The following ASAP2 variants were observed in gnomAD, a reference collection of about 807,000 sequenced individuals.
ASAP2 encodes the protein arf-GAP with SH3 domain, ANK repeat and PH domain-containing protein 2.
In ASAP2, 45 loss-of-function variants were observed where a neutral mutation model predicts 131.4. The observed-to-expected ratio is 0.34, with a 90% CI of 0.27 to 0.44. ASAP2 has a LOEUF of 0.44. Among genes scored for constraint, ASAP2 ranks in the 20% least tolerant of loss-of-function variants. The pLI, the probability that ASAP2 is intolerant of heterozygous loss-of-function variation, is 1.00. For synonymous variants in ASAP2, 510 were observed against 503.0 expected, an observed-to-expected ratio of 1.01 and a Z score of -0.19; for missense variants, 1,011 against 1,297.0, an observed-to-expected ratio of 0.78 and a Z score of 3.39.
intron 4 of ASAP2, 36 bp from the exon 5 acceptor site, chr2:9,320,252 A>C (rs778018921): frequency 6.4e-7 from 1 of 1,556,414 alleles, no homozygotes; most frequent in East Asian, 2.2e-5. Flanking sequence ...GAAGTGAATG[A>C]TTAGTCTTGC....
chr2:9,374,958 T>A lies in ASAP2; in HGVS notation c.1746+14T>A. ...GCCAACGGACATGTAAGAGTGTGGGTTGTTGCTACTTTAAAAAAAAAAAAA... is the reference window on the plus strand; with the variant it reads ...GCCAACGGACATGTAAGAGTGTGGGATGTTGCTACTTTAAAAAAAAAAAAA... On this transcript the variant is annotated intron_variant, in intron 17 of 27. Transcript: ENST00000281419. The A allele has an allele frequency of 1.3e-6, 2 of 1,551,180 alleles. No individual in the cohort carries two copies. The highest frequency in any genetic ancestry group is 1.2e-5 in the South Asian group (1 of 82,556).
At chr2:9,224,589 T>A (rs150746027) in intron 1 of ASAP2, among the ~76,000 whole-genome samples, 172 of 152,274 alleles carry the variant, frequency 1.1e-3, no homozygotes, top group African/African-American at 4.1e-3. Flanking sequence ...CTAAGGATGA[T>A]CGAAATCTCC....
intron 1 of ASAP2, among the ~76,000 whole-genome samples, chr2:9,221,825 C>T (rs993637437): frequency 3.9e-5 from 6 of 152,038 alleles, no homozygotes; most frequent in South Asian, 4.2e-4. Flanking sequence ...GACGGAGTCT[C>T]GCTCTGTCGC....
chr2:9,317,111 C>T (rs1430902593), intron 3 of ASAP2, among the ~76,000 whole-genome samples: 1 of 62,612 alleles, frequency 1.6e-5, no homozygotes, highest in South Asian at 5.7e-4. Flanking sequence ...ACTCATACCC[C>T]ACGCAATCAC....
chr2:9,395,032 G>A (rs777664864), intron 24 of ASAP2, among the ~76,000 whole-genome samples: 12 of 152,162 alleles, frequency 7.9e-5, no homozygotes, highest in African/African-American at 2.4e-4. Flanking sequence ...CTGGGTCCAC[G>A]GACAGGTCCC....
intron 1 of ASAP2, among the ~76,000 whole-genome samples, chr2:9,220,624 G>C (rs1464486853): frequency 6.6e-6 from 1 of 152,202 alleles, no homozygotes; most frequent in Non-Finnish European, 1.5e-5. Context: ...TATATAATTT[G>C]CAAGTAATAA....
At chr2:9,395,594 CTTTTTTTTTT>C in intron 24 of ASAP2, among the ~76,000 whole-genome samples, 9 of 59,056 alleles carry the variant, frequency 1.5e-4, no homozygotes, top group South Asian at 6.0e-4. Flanking sequence ...TGTTTTTTTT[CTTTTTTTTTT>C]TTTTTTTTTT....
chr2:9,294,851 C>T (rs1449241552), intron 2 of ASAP2, among the ~76,000 whole-genome samples: 2 of 152,134 alleles, frequency 1.3e-5, no homozygotes, highest in African/African-American at 2.4e-5. Flanking sequence ...TTGAAAGACC[C>T]ATGGCTCAGA....
chr2:9,348,893 A>G (rs4669384), intron 11 of ASAP2, among the ~76,000 whole-genome samples: 142,092 of 152,210 alleles, frequency 0.93, 66,907 homozygotes, highest in Non-Finnish European at 1. Flanking sequence ...CCAGGCAAGC[A>G]ACCGCCTTCC....
At chr2:9,360,528 C>T (rs1385857216) in intron 15 of ASAP2, among the ~76,000 whole-genome samples, 1 of 152,164 alleles carries the variant, frequency 6.6e-6, no homozygotes, top group Non-Finnish European at 1.5e-5. Flanking sequence ...CTATCACCGT[C>T]CCCAACAAAT....
chr2:9,212,559 C>G (rs1396025600), intron 1 of ASAP2, among the ~76,000 whole-genome samples: 1 of 152,132 alleles, frequency 6.6e-6, no homozygotes, highest in East Asian at 1.9e-4. Context: ...CACCTGGTCT[C>G]TAGAGGGCTG....
intron 1 of ASAP2, among the ~76,000 whole-genome samples, chr2:9,214,823 A>G (rs1162129463): frequency 6.6e-6 from 1 of 150,518 alleles, no homozygotes; most frequent in Non-Finnish European, 1.5e-5. Context: ...CTCCTTCCTT[A>G]GAAAGCACTT....
At chr2:9,293,381 G>T (rs898751091) in intron 2 of ASAP2, among the ~76,000 whole-genome samples, 1 of 152,292 alleles carries the variant, frequency 6.6e-6, no homozygotes, top group South Asian at 2.1e-4. Context: ...ATTGGATCTG[G>T]ATCATTAATG....
rs896641443 is a variant in ASAP2 at position 9,370,361 on chromosome 2, G to A, written c.1556+1842G>A. 5.3e-5 allele frequency among the ~76,000 whole-genome samples: 8 copies of A among 152,316 alleles called. No individual in the cohort carries two copies. The South Asian group carries it at 1.7e-3, about 32-fold the overall frequency. The stretch of plus-strand genomic sequence containing the variant: ...TAAAGTCAGTTTATGTTTGAATCCT[G>A]TAACAAGTGTTTGTGGTGTCGCATT... On this transcript the variant is annotated intron_variant, in intron 16 of 27. Coordinates refer to ENST00000281419, the MANE Select transcript of ASAP2 (RefSeq NM_003887.3).
intron 4 of ASAP2, among the ~76,000 whole-genome samples, chr2:9,319,468 G>A (rs113819312): frequency 3.1e-4 from 47 of 152,332 alleles, no homozygotes; most frequent in African/African-American, 1.0e-3. Context: ...ACAGGTCAGC[G>A]GAGTTAGCCC....
In ASAP2 at chr2:9,352,619, G is replaced by A. The variant is rs545863258; in HGVS notation, c.1111+1724G>A. ...TTACAACACAGCAGGCAGCAGGGAG[G>A]ATCAGTAGACGGCAAGTGTGCATGC... On this transcript the variant is annotated intron_variant, in intron 12 of 27. Coordinates refer to ENST00000281419, the MANE Select transcript of ASAP2 (RefSeq NM_003887.3). Among the ~76,000 whole-genome samples, 4 of 152,344 alleles carry A rather than the reference G, an allele frequency of 2.6e-5. No homozygotes were observed. In the East Asian group the frequency reaches 7.7e-4, roughly 29 times the overall value.
At chr2:9,355,727 T>G (rs1672656610) in intron 12 of ASAP2, among the ~76,000 whole-genome samples, 1 of 152,230 alleles carries the variant, frequency 6.6e-6, no homozygotes, top group Non-Finnish European at 1.5e-5. Context: ...CAATTACTTT[T>G]TGGGGGCCAA....
chr2:9,317,244 TACAC>T lies in ASAP2; in HGVS notation c.346-1277_346-1274del, dbSNP rs543993977. Among the ~76,000 whole-genome samples, 314 of 139,760 alleles carry T rather than the reference TACAC, an allele frequency of 2.2e-3. 2 individuals carry two copies. Among genetic ancestry groups the T allele is most frequent in the African/African-American group, 7.6e-3 (280 of 36,990 alleles). 91.7% of individuals were successfully genotyped at this position (139,760 alleles called of 152,430 possible). On this transcript the variant is annotated intron_variant, in intron 3 of 27. Coordinates refer to ENST00000281419, the MANE Select transcript of ASAP2 (RefSeq NM_003887.3). The stretch of plus-strand genomic sequence containing the variant: ...TCACACAATCACACAACCACACTCA[TACAC>T]ACCCCGTGCATCACACACACTCATA...
chr2:9,221,826 G>T (rs1299023153), intron 1 of ASAP2, among the ~76,000 whole-genome samples: 2 of 151,306 alleles, frequency 1.3e-5, no homozygotes, highest in South Asian at 2.1e-4. Context: ...ACGGAGTCTC[G>T]CTCTGTCGCC....
Sources: gnomAD v4.1 joint callset for allele counts (sites outside exome capture counted in the v4.1 genomes callset) on GRCh38, gnomAD v4.1.1 for gene constraint, MANE v1.5 for transcripts, NCBI Gene and HGNC (gene_info 2026-07-23, HGNC 2026-07-21) for gene names.